The following WDR49 variants were observed in gnomAD, a reference collection of about 807,000 sequenced individuals.
WDR49 encodes the protein cilia- and flagella-associated protein 337.
Under a neutral mutation model 119.5 loss-of-function variants are expected in WDR49, and 107 were observed. The ratio of observed to expected loss-of-function variants is 0.90; its 90% CI spans 0.77 to 1.05. The LOEUF is 1.05. WDR49 is among the 50% of genes least tolerant of loss of function. The pLI is 0.00. For synonymous variants in WDR49, 425 were observed against 418.8 expected (o/e 1.01, Z -0.18); for missense variants, 1,240 against 1,220.5 (o/e 1.02, Z -0.24).
chr3:167,611,555 G>C (rs956827113), intron 5 of WDR49, among the ~76,000 whole-genome samples: 1 of 151,918 alleles, frequency 6.6e-6, no homozygotes, highest in Non-Finnish European at 1.5e-5. Flanking sequence ...AAAAAAACAA[G>C]ACGCATTGAA....
intron 15 of WDR49, among the ~76,000 whole-genome samples, chr3:167,524,922 G>C (rs1432272695): frequency 6.6e-6 from 1 of 152,114 alleles, no homozygotes; most frequent in Non-Finnish European, 1.5e-5. Context: ...ATTTAAAGTA[G>C]TTTTTTCCAG....
chr3:167,636,354 C>T (rs1717620730), intron 2 of WDR49, among the ~76,000 whole-genome samples: 1 of 151,034 alleles, frequency 6.6e-6, no homozygotes, highest in Admixed American at 6.6e-5. Context: ...TATGTATATA[C>T]ATGTATATAT....
In WDR49 at chr3:167,521,963, AAGATAGATAGAT is replaced by A. The variant is rs201398579; in HGVS notation, c.2774+340_2774+351del. On this transcript the variant is annotated intron_variant, in intron 16 of 18. Transcript: ENST00000682715. Reference sequence around the variant, plus strand: ...AGGAGTAAAATCTGATACACATTCTAAGATAGATAGATAGATAGATAGATAGATAGATAGATA... The same window carrying A: ...AGGAGTAAAATCTGATACACATTCTAAGATAGATAGATAGATAGATAGATA... Among the ~76,000 whole-genome samples the A allele has an allele frequency of 4.4e-3, 339 of 77,224 alleles. 1 individual carries two copies. Among genetic ancestry groups the A allele is most frequent in the African/African-American group, 0.012 (306 of 26,406 alleles). The allele number at this position is 77,224 out of a possible 152,430, so 50.7% of individuals were successfully genotyped here. A position where few individuals can be genotyped will look rare whatever the true frequency, so the allele number is the denominator to read the frequency against.
rs181334715 is a variant in WDR49, at chr3:167,598,175, G to T, written c.1275+3952C>A. On this transcript the variant is annotated intron_variant, in intron 7 of 18. Coordinates refer to ENST00000682715, the MANE Select transcript of WDR49 (RefSeq NM_001366157.1). ...AAAGAATTAGCTGGGCATGGTGGCAGGTGCCTGTAGTCTCAGCTACTCTGG... is the reference window on the plus strand; with the variant it reads ...AAAGAATTAGCTGGGCATGGTGGCATGTGCCTGTAGTCTCAGCTACTCTGG... 3.3e-5 allele frequency among the ~76,000 whole-genome samples: 5 copies of T among 152,070 alleles called. No individual in the cohort carries two copies. The South Asian group carries it at 1.0e-3, about 32-fold the overall frequency.
At chr3:167,573,272 C>T (rs527783115) in intron 8 of WDR49, among the ~76,000 whole-genome samples, 10 of 152,188 alleles carry the variant, frequency 6.6e-5, no homozygotes, top group Middle Eastern at 6.8e-3. Flanking sequence ...ACAGGCTAAG[C>T]AGTCTGTCCA....
At chr3:167,651,239 GA>G (rs201978043) in intron 2 of WDR49, among the ~76,000 whole-genome samples, 13 of 148,752 alleles carry the variant, frequency 8.7e-5, no homozygotes, top group African/African-American at 1.2e-4. Flanking sequence ...ATCTGTGTAA[GA>G]AAAAAAAAAT....
At chr3:167,479,083 T>A (rs946983186) in intron 18 of WDR49, 87 bp from the exon 19 acceptor site, 1 of 1,095,752 alleles carries the variant, frequency 9.1e-7, no homozygotes, top group Non-Finnish European at 1.3e-6. Context: ...ATTCTCAAAT[T>A]TTGCTTTTTC....
At chr3:167,647,289 G>A (rs553868659) in intron 2 of WDR49, among the ~76,000 whole-genome samples, 1 of 152,206 alleles carries the variant, frequency 6.6e-6, no homozygotes, top group African/African-American at 2.4e-5. Flanking sequence ...TAAACCACTT[G>A]TTTACTAAAG....
Position 167,552,743 on chromosome 3 carries a change from T to C in WDR49, c.1823+1907A>G, listed in dbSNP as rs1425672715. ...TTCCGAGATGATGCTAAGGATTAAA[T>C]TAGATAACGTGTATAAAGTGGCTAA... is the stretch of plus-strand genomic sequence containing the variant. On this transcript the variant is annotated intron_variant, in intron 10 of 18. Coordinates refer to ENST00000682715, the MANE Select transcript of WDR49 (RefSeq NM_001366157.1). Among the ~76,000 whole-genome samples, 5 of 152,016 alleles carry C rather than the reference T, an allele frequency of 3.3e-5. No homozygotes were observed. The East Asian group carries it at 5.8e-4, about 18-fold the overall frequency.
intron 2 of WDR49, among the ~76,000 whole-genome samples, chr3:167,640,708 G>T (rs1281317445): frequency 6.6e-6 from 1 of 151,750 alleles, no homozygotes. Flanking sequence ...GGATCAAGCT[G>T]CTGTAAAAAA....
At chr3:167,580,895 A>G (rs1714496175) in intron 7 of WDR49, among the ~76,000 whole-genome samples, 1 of 152,186 alleles carries the variant, frequency 6.6e-6, no homozygotes, top group Non-Finnish European at 1.5e-5. Context: ...TTTAGTAGAG[A>G]AAACAGATTC....
At chr3:167,484,227 G>C (rs1200340714) in intron 18 of WDR49, among the ~76,000 whole-genome samples, 1 of 152,064 alleles carries the variant, frequency 6.6e-6, no homozygotes, top group Non-Finnish European at 1.5e-5. Flanking sequence ...TTAGATAAGG[G>C]AGATTATCCC....
At chr3:167,640,957 T>C (rs764220609) in intron 2 of WDR49, among the ~76,000 whole-genome samples, 1 of 152,002 alleles carries the variant, frequency 6.6e-6, no homozygotes, top group Non-Finnish European at 1.5e-5. Context: ...CCCATACACC[T>C]ACTTCCCAAA....
chr3:167,507,440 G>C (rs545126271), intron 16 of WDR49, among the ~76,000 whole-genome samples: 2 of 152,226 alleles, frequency 1.3e-5, no homozygotes, highest in African/African-American at 4.8e-5. Flanking sequence ...ATAAGAAGTT[G>C]GTGTTGGATA....
At chr3:167,607,180 G>T (rs1716101354) in intron 5 of WDR49, among the ~76,000 whole-genome samples, 1 of 152,148 alleles carries the variant, frequency 6.6e-6, no homozygotes, top group Non-Finnish European at 1.5e-5. Flanking sequence ...TACACTAATA[G>T]TAGGGGAATG....
At chr3:167,604,221 A>G in intron 6 of WDR49, 80 bp downstream of exon 6, 4 of 1,505,766 alleles carry the variant, frequency 2.7e-6, no homozygotes, top group Non-Finnish European at 3.6e-6. Flanking sequence ...GCAACAAGGT[A>G]GCAAAGGCTC....
intron 18 of WDR49, among the ~76,000 whole-genome samples, chr3:167,496,274 G>A (rs909663942): frequency 1.3e-5 from 2 of 151,900 alleles, no homozygotes; most frequent in African/African-American, 2.4e-5. Flanking sequence ...AATAAATGCC[G>A]AGTCCTTAGC....
intron 3 of WDR49, among the ~76,000 whole-genome samples, chr3:167,624,344 G>A (rs1717019771): frequency 8.2e-6 from 1 of 121,920 alleles, no homozygotes; most frequent in South Asian, 2.2e-4. Flanking sequence ...TTATGCCATG[G>A]TAAAAAAAAA....
intron 3 of WDR49, among the ~76,000 whole-genome samples, chr3:167,624,772 C>T (rs570523616): frequency 1.3e-5 from 2 of 152,118 alleles, no homozygotes; most frequent in Non-Finnish European, 2.9e-5. Context: ...TAACAGAATA[C>T]TGCACATAGA....
Sources: gnomAD v4.1 joint callset for allele counts (sites outside exome capture counted in the v4.1 genomes callset) on GRCh38, gnomAD v4.1.1 for gene constraint, MANE v1.5 for transcripts, NCBI Gene and HGNC (gene_info 2026-07-23, HGNC 2026-07-21) for gene names.